The following KCNC2 variants were observed in gnomAD, a reference collection of about 807,000 sequenced individuals.
KCNC2 encodes voltage-gated potassium channel KCNC2.
KCNC2 carries 21 observed loss-of-function variants against 44.5 expected under a neutral mutation model. The ratio of observed to expected loss-of-function variants is 0.47; its 90% CI spans 0.33 to 0.68. The LOEUF is 0.68. KCNC2 is among the 30% of genes least tolerant of loss of function. The probability of loss-of-function intolerance (pLI) is 0.01; values close to 1 mark genes in which losing one functional copy is unlikely to be tolerated. For missense variants in KCNC2, 589 were observed against 826.2 expected, an observed-to-expected ratio of 0.71 and a Z score of 3.52; for synonymous variants, 391 against 339.1, an observed-to-expected ratio of 1.15 and a Z score of -1.68.
chr12:75,047,837 C>T (rs187628872), intron 4 of KCNC2, among the ~76,000 whole-genome samples: 184 of 152,152 alleles, frequency 1.2e-3, no homozygotes, highest in Admixed American at 8.1e-3. Context: ...CTTTTAATGA[C>T]TGCAGAGTAC....
intron 2 of KCNC2, among the ~76,000 whole-genome samples, chr12:75,115,471 TTTTG>T (rs1162077052): frequency 1.3e-5 from 2 of 152,196 alleles, no homozygotes; most frequent in African/African-American, 2.4e-5. Flanking sequence ...ATCTACTTCA[TTTTG>T]TTTATTTACT....
At chr12:75,153,641 A>T (rs1003388936) in intron 2 of KCNC2, among the ~76,000 whole-genome samples, 2 of 150,910 alleles carry the variant, frequency 1.3e-5, no homozygotes, top group Non-Finnish European at 3.0e-5. Flanking sequence ...TAATTTTTAA[A>T]TATGTTTCTG....
chr12:75,197,241 A>G (rs1565688031), intron 2 of KCNC2, among the ~76,000 whole-genome samples: 2 of 151,994 alleles, frequency 1.3e-5, no homozygotes, highest in African/African-American at 4.8e-5. Flanking sequence ...ATATAAGCCC[A>G]GTGGTCCCCT....
intron 2 of KCNC2, among the ~76,000 whole-genome samples, chr12:75,068,386 G>C (rs961219547): frequency 3.9e-5 from 6 of 152,170 alleles, no homozygotes; most frequent in Admixed American, 3.9e-4. Flanking sequence ...GAGAAGACAA[G>C]GGCAAGAGTC....
At chr12:75,162,226 A>G (rs1382647062) in intron 2 of KCNC2, among the ~76,000 whole-genome samples, 1 of 151,768 alleles carries the variant, frequency 6.6e-6, no homozygotes, top group East Asian at 1.9e-4. Flanking sequence ...AATGTAGTAT[A>G]AACATCTTCC....
chr12:75,130,017 G>A (rs966928801), intron 2 of KCNC2, among the ~76,000 whole-genome samples: 9 of 152,108 alleles, frequency 5.9e-5, no homozygotes, highest in African/African-American at 2.2e-4. Flanking sequence ...CTACAAAATA[G>A]TTCTTTTTCT....
At chr12:75,080,130 T>C (rs1365504153) in intron 2 of KCNC2, among the ~76,000 whole-genome samples, 1 of 152,156 alleles carries the variant, frequency 6.6e-6, no homozygotes, top group African/African-American at 2.4e-5. Flanking sequence ...TCCTGTTTTC[T>C]GGCTCAATCT....
intron 2 of KCNC2, among the ~76,000 whole-genome samples, chr12:75,203,174 A>G (rs1427537705): frequency 1.3e-5 from 2 of 151,748 alleles, no homozygotes; most frequent in Non-Finnish European, 3.0e-5. Flanking sequence ...CCTATACCTT[A>G]TTATAATTTT....
chr12:75,073,334 G>C (rs1883604932), intron 2 of KCNC2, among the ~76,000 whole-genome samples: 2 of 152,140 alleles, frequency 1.3e-5, no homozygotes, highest in South Asian at 4.1e-4. Context: ...TGATTGTTAA[G>C]TGGGAAATAC....
chr12:75,050,340 A>G, intron 3 of KCNC2, 50 bp downstream of exon 3: 1 of 1,301,700 alleles, frequency 7.7e-7, no homozygotes, highest in Non-Finnish European at 1.1e-6. Context: ...CCTAAGGAAC[A>G]TACTGGTCTA....
Position 75,042,985 on chromosome 12 carries a change from C to A in KCNC2, c.*120G>T. On this transcript the variant is annotated 3_prime_UTR_variant, in exon 5 of 5. Transcript: ENST00000549446. ...TCTGACTTCAAATTGTAGTATCATGCAAGATTTATACTGTATTAATGGAGC... is the reference window on the plus strand; with the variant it reads ...TCTGACTTCAAATTGTAGTATCATGAAAGATTTATACTGTATTAATGGAGC... The A allele has an allele frequency of 7.0e-7, 1 of 1,437,712 alleles. No individual in the cohort carries two copies. Among genetic ancestry groups the A allele is most frequent in the Non-Finnish European group, 9.1e-7 (1 of 1,094,356 alleles). 89.1% of individuals were successfully genotyped at this position (1,437,712 alleles called of 1,614,324 possible). A position where few individuals can be genotyped will look rare whatever the true frequency, so the allele number is the denominator to read the frequency against.
chr12:75,063,489 C>T (rs999350176), intron 2 of KCNC2, among the ~76,000 whole-genome samples: 1 of 151,842 alleles, frequency 6.6e-6, no homozygotes, highest in Non-Finnish European at 1.5e-5. Context: ...CTTATCTCAC[C>T]CCGGAAAAGC....
chr12:75,064,480 T>C (rs1341199391), intron 2 of KCNC2, among the ~76,000 whole-genome samples: 3 of 152,076 alleles, frequency 2.0e-5, no homozygotes, highest in African/African-American at 7.2e-5. Flanking sequence ...ATGAATTCTG[T>C]TGATCAGCAA....
chr12:75,146,402 C>T (rs980945234), intron 2 of KCNC2, among the ~76,000 whole-genome samples: 10 of 152,116 alleles, frequency 6.6e-5, no homozygotes, highest in African/African-American at 2.4e-4. Flanking sequence ...AGTGACATCT[C>T]TGGCTGCTCA....
intron 2 of KCNC2, among the ~76,000 whole-genome samples, chr12:75,099,781 T>C (rs1448072654): frequency 6.6e-6 from 1 of 152,164 alleles, no homozygotes; most frequent in Non-Finnish European, 1.5e-5. Context: ...AAAGCCACAT[T>C]TCTATGACCT....
intron 2 of KCNC2, among the ~76,000 whole-genome samples, chr12:75,201,700 G>T (rs1402260277): frequency 1.3e-5 from 2 of 151,722 alleles, no homozygotes; most frequent in Non-Finnish European, 2.9e-5. Context: ...TGACTACACC[G>T]TGTTAGGATT....
At chr12:75,158,366 A>G (rs954806968) in intron 2 of KCNC2, among the ~76,000 whole-genome samples, 6 of 151,952 alleles carry the variant, frequency 3.9e-5, no homozygotes, top group African/African-American at 1.4e-4. Context: ...AACCATACAT[A>G]TATTTGGAAA....
chr12:75,209,791 A>G lies in KCNC2; in HGVS notation c.-604T>C, dbSNP rs915739700. 3 of 152,254 alleles carry G rather than the reference A, an allele frequency of 2.0e-5. No individual in the cohort carries two copies. The highest frequency in any genetic ancestry group is 2.0e-4 in the Admixed American group (3 of 15,288). 9.4% of individuals were successfully genotyped at this position (152,254 alleles called of 1,614,324 possible). On this transcript the variant is annotated 5_prime_UTR_variant, in exon 1 of 5. It removes the in-frame stop codon of an upstream open reading frame in the 5' UTR. Coordinates refer to ENST00000549446, the MANE Select transcript of KCNC2 (RefSeq NM_139137.4). The stretch of plus-strand genomic sequence containing the variant: ...GAAGCTATGTGTACCAACCAGGTTC[A>G]CATATTTTTCTTCCGTGAAGCTCTG...
At chr12:75,091,498 G>A (rs750814299) in intron 2 of KCNC2, among the ~76,000 whole-genome samples, 1 of 151,644 alleles carries the variant, frequency 6.6e-6, no homozygotes, top group Non-Finnish European at 1.5e-5. Flanking sequence ...AATAATGCTT[G>A]AAAAGTGGTT....
Sources: gnomAD v4.1 joint callset for allele counts (sites outside exome capture counted in the v4.1 genomes callset) on GRCh38, gnomAD v4.1.1 for gene constraint, MANE v1.5 for transcripts, NCBI Gene and HGNC (gene_info 2026-07-23, HGNC 2026-07-21) for gene names.